Variants in CYP4F3 observed in about 807,000 individuals in gnomAD.
The protein encoded by CYP4F3 is cytochrome P450 family 4 subfamily F member 3.
A neutral mutation model predicts 54.8 loss-of-function variants in CYP4F3; 50 were observed. That is an observed-to-expected ratio of 0.91 (90% CI 0.73 to 1.16). The LOEUF is 1.16. CYP4F3 is among the 50% of genes most tolerant of loss of function. The probability of loss-of-function intolerance (pLI) is 0.00; values close to 1 mark genes in which losing one functional copy is unlikely to be tolerated. For missense variants in CYP4F3, 715 were observed against 676.2 expected (o/e 1.06, Z -0.64); for synonymous variants, 244 against 262.6 (o/e 0.93, Z 0.69).
At chr19:15,656,994 T>C (rs1973044468) in intron 9 of CYP4F3, among the ~76,000 whole-genome samples, 1 of 152,192 alleles carries the variant, frequency 6.6e-6, no homozygotes, top group African/African-American at 2.4e-5. Context: ...CATTTTCAAT[T>C]ATAGTCAATA....
At chr19:15,650,739 TTCC>T (rs1972799433) in intron 7 of CYP4F3, among the ~76,000 whole-genome samples, 2 of 44,894 alleles carry the variant, frequency 4.5e-5, no homozygotes, top group East Asian at 1.6e-3. Flanking sequence ...TTTCTTTCTT[TTCC>T]TTCCTTCCAT....
intron 9 of CYP4F3, among the ~76,000 whole-genome samples, chr19:15,653,663 T>C (rs181817137): frequency 1.7e-3 from 249 of 150,294 alleles, no homozygotes; most frequent in African/African-American, 5.2e-3. Flanking sequence ...CAGTAGATAA[T>C]TGGGTACAGT....
chr19:15,650,834 CTT>C (rs1972822539), intron 7 of CYP4F3, among the ~76,000 whole-genome samples: 1 of 55,016 alleles, frequency 1.8e-5, no homozygotes. Context: ...TTCTTTCTTT[CTT>C]TCTTTCTTTC....
chr19:15,655,463 CA>C (rs28371540), intron 9 of CYP4F3, among the ~76,000 whole-genome samples: 42 of 152,200 alleles, frequency 2.8e-4, no homozygotes, highest in Non-Finnish European at 5.6e-4. Context: ...AGTATAAAAC[CA>C]AGATTTCAAG....
chr19:15,650,111 T>C lies in CYP4F3; in HGVS notation c.846T>C (p.Gly282=). The C allele has an allele frequency of 1.2e-6, 2 of 1,613,988 alleles. No homozygotes were observed. The highest frequency in any genetic ancestry group is 8.5e-7 in the Non-Finnish European group (1 of 1,180,002). The change falls in exon 7 of 13, where the codon GGT becomes GGC. Residue 282 remains glycine (G), a synonymous_variant. Transcript: ENST00000221307. The stretch of plus-strand genomic sequence containing the variant: ...GGCGCCGCACCCTCCCTAGCCAGGG[T>C]GTTGATGACTTCCTCCAAGCCAAGG... ...QERRRTLPSQ[G]VDDFLQAKAK...
At chr19:15,642,655 G>A (rs780376831) in intron 2 of CYP4F3, among the ~76,000 whole-genome samples, 1 of 152,212 alleles carries the variant, frequency 6.6e-6, no homozygotes, top group Non-Finnish European at 1.5e-5. Flanking sequence ...TGGACAGTGT[G>A]TCTTTTCCTT....
Position 15,658,259 on chromosome 19 carries a change from C to T in CYP4F3, c.1116-5C>T. On this transcript the variant is annotated splice_region_variant and splice_polypyrimidine_tract_variant and intron_variant, in intron 9 of 12. Coordinates refer to ENST00000221307, the MANE Select transcript of CYP4F3 (RefSeq NM_000896.3). ...ATAAGGATTGGGGCTGGGGTGTTTC[C>T]TTAGGGACGACCTGGCCCAGCTGCC... 6.2e-7 allele frequency: 1 copy of T among 1,613,952 alleles called. No individual in the cohort carries two copies. Among genetic ancestry groups the T allele is most frequent in the African/African-American group, 1.3e-5 (1 of 75,010 alleles).
chr19:15,651,072 C>T (rs1972841122), intron 7 of CYP4F3, among the ~76,000 whole-genome samples: 2 of 151,604 alleles, frequency 1.3e-5, no homozygotes, highest in South Asian at 4.2e-4. Flanking sequence ...GACGAGGTTT[C>T]ACCATGTTGG....
intron 2 of CYP4F3, chr19:15,644,201 T>A: frequency 9.3e-7 from 1 of 1,078,828 alleles, no homozygotes; most frequent in Non-Finnish European, 1.2e-6. Flanking sequence ...ATGTATTCAC[T>A]AATTCCCATC....
In CYP4F3 at chr19:15,647,052, C is replaced by T. The variant is rs554326805; in HGVS notation, c.344C>T (p.Ala115Val). The T allele has an allele frequency of 2.4e-5, 38 of 1,614,092 alleles. No individual in the cohort carries two copies. In the South Asian group the frequency reaches 4.0e-4, roughly 17 times the overall value. The change falls in exon 4 of 13, where the codon GCT becomes GTT. Residue 115 changes from alanine to valine, a missense_variant and splice_region_variant. Coordinates refer to ENST00000221307, the MANE Select transcript of CYP4F3 (RefSeq NM_000896.3). Reference protein sequence around the residue: ...TYIKPVLFAPAAIVPKDKVFY... With the variant: ...TYIKPVLFAPVAIVPKDKVFY... ...CCCTGATTGTCCTCATTTATGTCAGCTGCCATTGTACCAAAGGACAAGGTC... is the reference window on the plus strand; with the variant it reads ...CCCTGATTGTCCTCATTTATGTCAGTTGCCATTGTACCAAAGGACAAGGTC...
In CYP4F3 at chr19:15,649,278, A is replaced by G; in HGVS notation, c.644A>G (p.Gln215Arg). ...GTCTTCAGCTTTGACAGCCATTGCC[A>G]GGAGTAAGTTCTTGCCCAGGGTCTG... The part of the protein sequence containing the change: ...KCVFSFDSHC[Q>R]EKPSEYIAAI... Residue 215 changes from glutamine (Q) to arginine (R), a missense_variant, in exon 6 of 13, where the codon CAG becomes CGG. Physicochemically the swap from Gln to Arg is conservative, Grantham distance 43. Coordinates refer to ENST00000221307, the MANE Select transcript of CYP4F3 (RefSeq NM_000896.3). 6.2e-7 allele frequency: 1 copy of G among 1,612,780 alleles called. No individual in the cohort carries two copies. Among genetic ancestry groups the G allele is most frequent in the Non-Finnish European group, 8.5e-7 (1 of 1,179,120 alleles).
chr19:15,649,999 T>C lies in CYP4F3; in HGVS notation c.734T>C (p.Phe245Ser). ...CAGCAGATCCTCCTGTACATAGACT[T>C]CCTGTATTATCTCACCCCTGATGGG... ...RHQQILLYID[F>S]LYYLTPDGQR... is the part of the protein sequence containing the mutation. Residue 245 changes from phenylalanine (F) to serine (S), a missense_variant, in exon 7 of 13, where the codon TTC becomes TCC. Phe to Ser is a radical substitution (Grantham distance 155). Coordinates refer to ENST00000221307, the MANE Select transcript of CYP4F3 (RefSeq NM_000896.3). 1 of 1,614,168 alleles carries C rather than the reference T, an allele frequency of 6.2e-7. No homozygotes were observed. The highest frequency in any genetic ancestry group is 8.5e-7 in the Non-Finnish European group (1 of 1,180,040).
intron 9 of CYP4F3, among the ~76,000 whole-genome samples, chr19:15,654,203 C>A (rs2683050): frequency 3.3e-5 from 5 of 151,950 alleles, no homozygotes; most frequent in African/African-American, 1.2e-4. Context: ...TTTTATGCTT[C>A]TAAAATAAAG....
At position 15,662,297 on chromosome 19, in the gene CYP4F3, A is replaced by AAAAAAAAAAAAAAAAAAAAG. The variant is rs1973200041; in HGVS notation, c.*2912_*2913insAAAAAAAAAAAAAAAAAAAG. The AAAAAAAAAAAAAAAAAAAAG allele has an allele frequency of 1.3e-5, 2 of 149,226 alleles. No homozygotes were observed. Among genetic ancestry groups the AAAAAAAAAAAAAAAAAAAAG allele is most frequent in the African/African-American group, 5.0e-5 (2 of 40,144 alleles). 9.2% of individuals were successfully genotyped at this position (149,226 alleles called of 1,614,324 possible). A position where few individuals can be genotyped will look rare whatever the true frequency, so the allele number is the denominator to read the frequency against. ...CAAAAAAAAAAAAAAAAAAAAGGAA[A>AAAAAAAAAAAAAAAAAAAAG]GAAAGAAAGAAAAGAAAAGAAAATC... On this transcript the variant is annotated 3_prime_UTR_variant, in exon 13 of 13. Transcript: ENST00000221307.
intron 9 of CYP4F3, among the ~76,000 whole-genome samples, chr19:15,653,410 C>A (rs4646512): frequency 6.6e-6 from 1 of 151,844 alleles, no homozygotes; most frequent in South Asian, 2.1e-4. Flanking sequence ...ATCCAGTCCT[C>A]GTTCAGCAAA....
At chr19:15,647,555 G>C (rs550374696) in intron 5 of CYP4F3, among the ~76,000 whole-genome samples, 9 of 152,246 alleles carry the variant, frequency 5.9e-5, no homozygotes, top group South Asian at 4.1e-4. Context: ...TTCTATGTTC[G>C]CGTCACCCGA....
chr19:15,662,288 A>AG lies in CYP4F3; in HGVS notation c.*2903_*2904insG, dbSNP rs1195085587. ...TCTCTCTCTCAAAAAAAAAAAAAAA[A>AG]AAAAGGAAAGAAAGAAAGAAAAGAA... On this transcript the variant is annotated 3_prime_UTR_variant, in exon 13 of 13. Transcript: ENST00000221307. 6.7e-6 allele frequency: 1 copy of AG among 149,378 alleles called. No individual in the cohort carries two copies. The highest frequency in any genetic ancestry group is 1.5e-5 in the Non-Finnish European group (1 of 67,642). 9.3% of individuals were successfully genotyped at this position (149,378 alleles called of 1,614,324 possible). A position where few individuals can be genotyped will look rare whatever the true frequency, so the allele number is the denominator to read the frequency against.
In CYP4F3 at chr19:15,641,397, AC is replaced by A; in HGVS notation, c.-1-14del. The A allele has an allele frequency of 6.2e-7, 1 of 1,612,416 alleles. No homozygotes were observed. Among genetic ancestry groups the A allele is most frequent in the Non-Finnish European group, 8.5e-7 (1 of 1,179,418 alleles). On this transcript the variant is annotated splice_polypyrimidine_tract_variant and intron_variant, in intron 1 of 12. Coordinates refer to ENST00000221307, the MANE Select transcript of CYP4F3 (RefSeq NM_000896.3). ...CCTGGGCCTCAGGACCTCACTCACC[AC>A]CCCATCTGCCCTGCAGGATGCCACA... is the stretch of plus-strand genomic sequence containing the variant.
At position 15,645,840 on chromosome 19, in the gene CYP4F3, T is replaced by C. The variant is rs140244799; in HGVS notation, c.320T>C (p.Ile107Thr). 1 of 1,612,182 alleles carries C rather than the reference T, an allele frequency of 6.2e-7. No homozygotes were observed. The highest frequency in any genetic ancestry group is 8.5e-7 in the Non-Finnish European group (1 of 1,178,882). ...GTCCGCATCTTCCACCCCACCTACA[T>C]CAAGCCTGTGCTCTTTGCTCCAGGT... is the stretch of plus-strand genomic sequence containing the variant. The part of the protein sequence containing the change: ...AIVRIFHPTY[I>T]KPVLFAPAAI... The change falls in exon 3 of 13, where the codon ATC (isoleucine) becomes ACC (threonine). Residue 107 changes from isoleucine (I) to threonine (T), a missense_variant. Physicochemically the swap from Ile to Thr is moderately conservative, Grantham distance 89 (BLOSUM62 -1). Coordinates refer to ENST00000221307, the MANE Select transcript of CYP4F3 (RefSeq NM_000896.3).
Sources: allele counts gnomAD v4.1 joint callset (sites outside exome capture counted in the v4.1 genomes callset), GRCh38; gene constraint gnomAD v4.1.1; transcripts MANE v1.5; gene names NCBI Gene and HGNC (gene_info 2026-07-23, HGNC 2026-07-21).